Variants in PTPRG observed in about 807,000 individuals in gnomAD.
PTPRG encodes protein tyrosine phosphatase receptor type G, also known as receptor-type tyrosine-protein phosphatase gamma.
PTPRG carries 102 observed loss-of-function variants against 165.3 expected under a neutral mutation model. The observed-to-expected ratio is 0.62, with a 90% CI of 0.53 to 0.73. The LOEUF is 0.73. PTPRG is among the 30% of genes least tolerant of loss of function. The pLI is 0.00. For missense variants in PTPRG, 1,866 were observed against 1,861.4 expected (o/e 1.00, Z -0.05); for synonymous variants, 675 against 669.5 (o/e 1.01, Z -0.13).
chr3:62,015,748 A>T (rs920566822), intron 4 of PTPRG, among the ~76,000 whole-genome samples: 4 of 152,108 alleles, frequency 2.6e-5, no homozygotes, highest in Non-Finnish European at 5.9e-5. Context: ...TTCAGGAGAG[A>T]GGATGGTTGG....
At chr3:61,882,242 T>C (rs890730646) in intron 2 of PTPRG, among the ~76,000 whole-genome samples, 2 of 152,238 alleles carry the variant, frequency 1.3e-5, no homozygotes, top group Admixed American at 6.5e-5. Context: ...GTGTGTTGTT[T>C]ACACAATTCC....
chr3:61,760,757 GC>G (rs918051613), intron 2 of PTPRG, among the ~76,000 whole-genome samples: 1 of 151,974 alleles, frequency 6.6e-6, no homozygotes, highest in African/African-American at 2.4e-5. Flanking sequence ...GCTCTCCCTC[GC>G]CCCTCCCTGC....
intron 4 of PTPRG, among the ~76,000 whole-genome samples, chr3:62,034,944 T>C (rs947855186): frequency 3.3e-5 from 5 of 152,126 alleles, no homozygotes; most frequent in Non-Finnish European, 7.4e-5. Context: ...TGGCTCCTTC[T>C]TGGGGAGGAG....
At chr3:61,884,339 A>G (rs907760502) in intron 2 of PTPRG, among the ~76,000 whole-genome samples, 3 of 152,200 alleles carry the variant, frequency 2.0e-5, no homozygotes, top group African/African-American at 7.2e-5. Context: ...ATGAATATTA[A>G]GATTATAAGG....
chr3:62,288,624 G>A (rs1400604982), intron 28 of PTPRG, among the ~76,000 whole-genome samples: 1 of 149,866 alleles, frequency 6.7e-6, no homozygotes, highest in African/African-American at 2.5e-5. Context: ...AGTGAACCAA[G>A]ATTGCACCAT....
At position 62,224,861 on chromosome 3, in the gene PTPRG, C is replaced by T. The variant is rs576137523; in HGVS notation, c.2288+5878C>T. ...CTATAGTTCTCCCTTGAATGTCCCT[C>T]GCAAAGGTCTGCCTTGAAGAGCTGT... is the stretch of plus-strand genomic sequence containing the variant. On this transcript the variant is annotated intron_variant, in intron 13 of 29. Transcript: ENST00000474889. The surrounding 1 kb of genome is among the most constrained non-coding windows in gnomAD (Gnocchi z 4.9). Among the ~76,000 whole-genome samples, 1 of 152,122 alleles carries T rather than the reference C, an allele frequency of 6.6e-6. No homozygotes were observed. Among genetic ancestry groups the T allele is most frequent in the Non-Finnish European group, 1.5e-5 (1 of 68,020 alleles).
intron 4 of PTPRG, among the ~76,000 whole-genome samples, chr3:62,008,444 T>C (rs935705873): frequency 1.9e-4 from 29 of 152,362 alleles, no homozygotes; most frequent in Admixed American, 8.5e-4. Flanking sequence ...AAGTCACAGC[T>C]GGTTCATTTC....
chr3:61,637,122 A>G (rs1701931984), intron 1 of PTPRG, among the ~76,000 whole-genome samples: 1 of 152,206 alleles, frequency 6.6e-6, no homozygotes, highest in African/African-American at 2.4e-5. Context: ...TTGGCGGACT[A>G]ACACATTTTT....
chr3:62,012,127 G>A (rs1292104597), intron 4 of PTPRG, among the ~76,000 whole-genome samples: 1 of 152,096 alleles, frequency 6.6e-6, no homozygotes. Flanking sequence ...TAATAGACAC[G>A]ACCTATATCA....
At chr3:61,965,114 T>G (rs895181655) in intron 2 of PTPRG, among the ~76,000 whole-genome samples, 1 of 152,024 alleles carries the variant, frequency 6.6e-6, no homozygotes, top group African/African-American at 2.4e-5. Context: ...CGTGGTGGCA[T>G]GTACCTGTAA....
chr3:62,175,373 T>C (rs1184106623), intron 8 of PTPRG, among the ~76,000 whole-genome samples: 1 of 152,140 alleles, frequency 6.6e-6, no homozygotes, highest in Non-Finnish European at 1.5e-5. Flanking sequence ...CCCAGCTTCT[T>C]GGGAGGTAGA....
chr3:61,805,947 A>G (rs765903635), intron 2 of PTPRG, among the ~76,000 whole-genome samples: 15 of 152,168 alleles, frequency 9.9e-5, no homozygotes, highest in Non-Finnish European at 1.9e-4. Context: ...TGTGTTTTCT[A>G]TTAAGCTCTC....
At chr3:62,288,310 T>C (rs1348961872) in intron 28 of PTPRG, among the ~76,000 whole-genome samples, 1 of 152,148 alleles carries the variant, frequency 6.6e-6, no homozygotes, top group Non-Finnish European at 1.5e-5. Flanking sequence ...ATAAATAGTT[T>C]AGTAAGAGAT....
chr3:61,772,058 TAAA>T (rs71100977), intron 2 of PTPRG, among the ~76,000 whole-genome samples: 3 of 64,816 alleles, frequency 4.6e-5, no homozygotes, highest in Non-Finnish European at 8.4e-5. Context: ...AGACTCTGTC[TAAA>T]AAAAAAAAAA....
intron 1 of PTPRG, among the ~76,000 whole-genome samples, chr3:61,612,091 T>A (rs2106874939): frequency 6.6e-6 from 1 of 152,212 alleles, no homozygotes. Flanking sequence ...AACAGGCGCC[T>A]GCCACCATGA....
At chr3:62,241,467 G>A (rs1286891578) in intron 14 of PTPRG, among the ~76,000 whole-genome samples, 1 of 152,070 alleles carries the variant, frequency 6.6e-6, no homozygotes, top group African/African-American at 2.4e-5. Context: ...TGTGCTTTTC[G>A]CTGGCAATCA....
At chr3:61,800,747 G>C (rs1436627744) in intron 2 of PTPRG, among the ~76,000 whole-genome samples, 1 of 151,608 alleles carries the variant, frequency 6.6e-6, no homozygotes, top group African/African-American at 2.4e-5. Context: ...GGGTTCAAGT[G>C]ATTCTCCTGC....
At chr3:62,055,322 A>G (rs1432155501) in intron 4 of PTPRG, among the ~76,000 whole-genome samples, 1 of 152,254 alleles carries the variant, frequency 6.6e-6, no homozygotes, top group East Asian at 1.9e-4. Flanking sequence ...TAAAGGCATC[A>G]CAGAAATATC....
intron 2 of PTPRG, among the ~76,000 whole-genome samples, chr3:61,828,574 G>A (rs2036177151): frequency 6.6e-6 from 1 of 152,226 alleles, no homozygotes; most frequent in African/African-American, 2.4e-5. Flanking sequence ...ACCAACATGT[G>A]TCTCATCTGG....
Sources: allele counts gnomAD v4.1 joint callset (sites outside exome capture counted in the v4.1 genomes callset), GRCh38; gene constraint gnomAD v4.1.1; non-coding constraint Gnocchi (gnomAD v3.1); transcripts MANE v1.5; gene names NCBI Gene and HGNC (gene_info 2026-07-23, HGNC 2026-07-21).